Variants in SLC35F2 observed in about 807,000 individuals in gnomAD.
SLC35F2 encodes solute carrier family 35 member F2.
A neutral mutation model predicts 38.1 loss-of-function variants in SLC35F2; 25 were observed. The observed-to-expected ratio is 0.66, with a 90% CI of 0.48 to 0.92. The LOEUF (loss-of-function observed/expected upper bound fraction) is 0.92. Ranked by LOEUF, SLC35F2 falls within the 40% of genes least tolerant of loss-of-function variation. The pLI is 0.00. For missense variants in SLC35F2, 409 were observed against 452.9 expected, an observed-to-expected ratio of 0.90 and a Z score of 0.88; for synonymous variants, 173 against 181.7, an observed-to-expected ratio of 0.95 and a Z score of 0.38.
intron 1 of SLC35F2, chr11:107,823,275 AG>A: frequency 1.1e-6 from 1 of 936,206 alleles, no homozygotes; most frequent in Non-Finnish European, 1.3e-6. Flanking sequence ...GAAAAAAAGG[AG>A]TTCCAAGTGA....
In SLC35F2 at chr11:107,806,972, G is replaced by A. The variant is rs201534452; in HGVS notation, c.415-96C>T. ...ATAGGAGTCAGTATTTATAATAGGAGTCAGTATTTATTGAGCATTTATTAT... is the reference window on the plus strand; with the variant it reads ...ATAGGAGTCAGTATTTATAATAGGAATCAGTATTTATTGAGCATTTATTAT... On this transcript the variant is annotated intron_variant, in intron 3 of 7. Transcript: ENST00000525815. 45 of 1,133,326 alleles carry A rather than the reference G, an allele frequency of 4.0e-5. No homozygotes were observed. The East Asian group carries it at 1.1e-3, about 27-fold the overall frequency. The allele number at this position is 1,133,326 out of a possible 1,614,324, so 70.2% of individuals were successfully genotyped here.
intron 7 of SLC35F2, among the ~76,000 whole-genome samples, chr11:107,793,539 G>C (rs1462714890): frequency 1.3e-5 from 2 of 152,068 alleles, no homozygotes; most frequent in African/African-American, 4.8e-5. Flanking sequence ...AAGTACAGAA[G>C]GGGCATCTGC....
intron 1 of SLC35F2, among the ~76,000 whole-genome samples, chr11:107,847,347 A>G (rs958526260): frequency 6.6e-6 from 1 of 152,200 alleles, no homozygotes; most frequent in Admixed American, 6.5e-5. Context: ...AACCTCACGC[A>G]GTCTACTACA....
At chr11:107,843,924 C>T (rs958211497) in intron 1 of SLC35F2, among the ~76,000 whole-genome samples, 31 of 131,934 alleles carry the variant, frequency 2.3e-4, no homozygotes, top group African/African-American at 9.0e-4. Context: ...TTAATTAAGC[C>T]ATTCATGAGC....
At chr11:107,828,145 T>C (rs1859784218) in intron 1 of SLC35F2, among the ~76,000 whole-genome samples, 1 of 152,148 alleles carries the variant, frequency 6.6e-6, no homozygotes, top group Non-Finnish European at 1.5e-5. Context: ...CATGAGTTAA[T>C]AGCAATACTG....
chr11:107,820,260 TA>T (rs754515465), intron 1 of SLC35F2, among the ~76,000 whole-genome samples: 4,864 of 79,824 alleles, frequency 0.061, 98 homozygotes, highest in African/African-American at 0.11. Context: ...GCCCAAAAAA[TA>T]AAAAAAAAAA....
At chr11:107,844,257 C>G (rs1327691334) in intron 1 of SLC35F2, among the ~76,000 whole-genome samples, 1 of 152,138 alleles carries the variant, frequency 6.6e-6, no homozygotes, top group Admixed American at 6.6e-5. Flanking sequence ...GCAAAATTAC[C>G]TCACCTCTCC....
At chr11:107,796,447 C>CA (rs1423932206) in intron 7 of SLC35F2, among the ~76,000 whole-genome samples, 1 of 151,976 alleles carries the variant, frequency 6.6e-6, no homozygotes, top group Non-Finnish European at 1.5e-5. Flanking sequence ...TATTCAGCCA[C>CA]AAAAAAATGA....
intron 1 of SLC35F2, among the ~76,000 whole-genome samples, chr11:107,857,130 AGG>A (rs1565444795): frequency 1.6e-3 from 191 of 122,920 alleles, no homozygotes; most frequent in African/African-American, 5.6e-3. Flanking sequence ...GAAGGAAGGG[AGG>A]AAGGAAGGGA....
chr11:107,809,070 T>C (rs2075661859), intron 3 of SLC35F2, among the ~76,000 whole-genome samples: 1 of 152,074 alleles, frequency 6.6e-6, no homozygotes, highest in South Asian at 2.1e-4. Context: ...ACTCTCCAAG[T>C]CAAAATATAA....
chr11:107,839,609 T>C (rs657608), intron 1 of SLC35F2, among the ~76,000 whole-genome samples: 73,170 of 152,132 alleles, frequency 0.48, 17,867 homozygotes, highest in African/African-American at 0.57. Context: ...TATGATATCC[T>C]TCTCTTTGTC....
Position 107,811,788 on chromosome 11 carries a change from T to A in SLC35F2, c.293A>T (p.Asp98Val), listed in dbSNP as rs1316499413. ...TCTTTTCAAGATTACTAAAAGGTTA[T>A]CACTGCCTGGTTGAAAGAAATATGG... ...TVMLAFRSGS[D>V]NLLVILKRKW... is the part of the protein sequence containing the mutation. The change falls in exon 3 of 8, where the codon GAT becomes GTT. Residue 98 changes from aspartate to valine, a missense_variant. Transcript: ENST00000525815. 1.9e-6 allele frequency: 3 copies of A among 1,613,738 alleles called. No homozygotes were observed. The highest frequency in any genetic ancestry group is 2.5e-6 in the Non-Finnish European group (3 of 1,179,824).
At chr11:107,835,510 C>T (rs1405325876) in intron 1 of SLC35F2, among the ~76,000 whole-genome samples, 5 of 151,596 alleles carry the variant, frequency 3.3e-5, no homozygotes, top group Admixed American at 3.3e-4. Context: ...AATCAGGGTT[C>T]ATTGCAGCCT....
At chr11:107,842,287 T>TAAAAAAAAAAAAAAAAAAAAAAAA (rs1292690214) in intron 1 of SLC35F2, among the ~76,000 whole-genome samples, 1 of 71,184 alleles carries the variant, frequency 1.4e-5, no homozygotes, top group African/African-American at 5.2e-5. Context: ...AAAAAAAAAT[T>TAAAAAAAAAAAAAAAAAAAAAAAA]AAAGCTTGAC....
Position 107,827,840 on chromosome 11 carries a change from A to G in SLC35F2, c.111-11875T>C, listed in dbSNP as rs1177827483. On this transcript the variant is annotated intron_variant, in intron 1 of 7. Transcript: ENST00000525815. ...GGAGGAGAATCACTTGAACCCAGGA[A>G]GCACAGGTTGCAGTGAGCCGAGATT... Among the ~76,000 whole-genome samples, 3 of 150,982 alleles carry G rather than the reference A, an allele frequency of 2.0e-5. 1 individual carries two copies. The South Asian group carries it at 6.3e-4, about 32-fold the overall frequency.
chr11:107,806,644 CTTT>C (rs1265878647), intron 4 of SLC35F2, 70 bp downstream of exon 4: 1 of 1,402,858 alleles, frequency 7.1e-7, no homozygotes, highest in Admixed American at 1.7e-5. Context: ...AAACAAGTTT[CTTT>C]GTTGATATAA....
chr11:107,803,013 C>G lies in SLC35F2; in HGVS notation c.927G>C (p.Leu309=), dbSNP rs1328872530. ...TCTATTTGTTTACCTTATAGCCAAA[C>G]AGAAAGAGTCCAACAAAAAGGCTGT... is the stretch of plus-strand genomic sequence containing the variant. ...DLYSLFVGLF[L]FGYKFSGLYI... Residue 309 remains leucine, a synonymous_variant, in exon 7 of 8, where the codon CTG becomes CTC. Coordinates refer to ENST00000525815, the MANE Select transcript of SLC35F2 (RefSeq NM_017515.5). 1 of 1,610,200 alleles carries G rather than the reference C, an allele frequency of 6.2e-7. No homozygotes were observed. Among genetic ancestry groups the G allele is most frequent in the African/African-American group, 1.3e-5 (1 of 74,622 alleles).
chr11:107,844,318 A>G (rs1160996231), intron 1 of SLC35F2, among the ~76,000 whole-genome samples: 1 of 152,134 alleles, frequency 6.6e-6, no homozygotes, highest in Non-Finnish European at 1.5e-5. Context: ...ATAGTATTAT[A>G]ATACCTGCCG....
intron 1 of SLC35F2, among the ~76,000 whole-genome samples, chr11:107,851,266 A>G (rs967796868): frequency 2.6e-5 from 4 of 150,954 alleles, no homozygotes; most frequent in Non-Finnish European, 4.4e-5. Context: ...CTGTCTCAAA[A>G]AAAAAAAAAG....
Sources: allele counts gnomAD v4.1 joint callset (sites outside exome capture counted in the v4.1 genomes callset), GRCh38; gene constraint gnomAD v4.1.1; transcripts MANE v1.5; gene names NCBI Gene and HGNC (gene_info 2026-07-23, HGNC 2026-07-21).